Variants in DOCK9 observed in about 807,000 individuals in gnomAD.
DOCK9 encodes dedicator of cytokinesis 9, also known as dedicator of cytokinesis protein 9.
A neutral mutation model predicts 263.3 loss-of-function variants in DOCK9; 89 were observed. The observed-to-expected ratio is 0.34, with a 90% confidence interval of 0.28 to 0.40. The LOEUF (loss-of-function observed/expected upper bound fraction) is 0.40. DOCK9 is among the 10% of genes least tolerant of loss of function. DOCK9 has a pLI of 1.00. For synonymous variants in DOCK9, 976 were observed against 973.1 expected, an observed-to-expected ratio of 1.00 and a Z score of -0.06; for missense variants, 2,140 against 2,603.4, an observed-to-expected ratio of 0.82 and a Z score of 3.87.
chr13:98,938,048 G>C (rs1378986170), intron 2 of DOCK9, among the ~76,000 whole-genome samples: 6 of 152,094 alleles, frequency 3.9e-5, no homozygotes, highest in Admixed American at 3.3e-4. Context: ...ATCACTCACT[G>C]CTCTCTCTGC....
At chr13:98,966,154 G>A (rs950583682) in intron 1 of DOCK9, among the ~76,000 whole-genome samples, 5 of 152,356 alleles carry the variant, frequency 3.3e-5, no homozygotes, top group South Asian at 2.1e-4. Flanking sequence ...AAGACAAGAC[G>A]GGAATTTAGG....
rs1450129368 is a variant in DOCK9, at chr13:98,854,207, G to A, written c.3832-685C>T. On this transcript the variant is annotated intron_variant, in intron 34 of 52. Transcript: ENST00000682017. ...AAACAAGAGGGCAATTTTGCCACTA[G>A]GCAGCAGGTTCTTGTGGAAAAAAAG... Among the ~76,000 whole-genome samples the A allele has an allele frequency of 2.2e-5, 3 of 134,562 alleles. No individual in the cohort carries two copies. The South Asian group carries it at 7.7e-4, about 34-fold the overall frequency. The allele number at this position is 134,562 out of a possible 152,430, so 88.3% of individuals were successfully genotyped here.
intron 5 of DOCK9, 96 bp from the exon 6 acceptor site, chr13:98,922,242 C>G: frequency 1.2e-6 from 1 of 843,964 alleles, no homozygotes; most frequent in South Asian, 1.6e-5. Context: ...CCCTTTGTGC[C>G]AAGTTGTCCA....
chr13:99,051,708 T>A (rs754328043), intron 1 of DOCK9, among the ~76,000 whole-genome samples: 10 of 151,976 alleles, frequency 6.6e-5, no homozygotes, highest in Non-Finnish European at 1.0e-4. Context: ...ACTACACTCA[T>A]CCTTTTCACC....
chr13:98,830,897 T>C (rs1390864578), intron 41 of DOCK9, among the ~76,000 whole-genome samples: 1 of 151,986 alleles, frequency 6.6e-6, no homozygotes, highest in Non-Finnish European at 1.5e-5. Flanking sequence ...AAAAAGAGAG[T>C]TTACAAAAAT....
chr13:98,899,373 T>C (rs886691624), intron 13 of DOCK9, among the ~76,000 whole-genome samples: 1 of 152,208 alleles, frequency 6.6e-6, no homozygotes, highest in African/African-American at 2.4e-5. Context: ...TGAGCTCCAC[T>C]ATCCACACCT....
chr13:98,903,141 A>C, intron 10 of DOCK9, 29 bp from the exon 11 acceptor site: 2 of 1,468,722 alleles, frequency 1.4e-6, no homozygotes, highest in Non-Finnish European at 9.0e-7. Context: ...ACATATAAAT[A>C]AGTTATGCTC....
chr13:98,968,190 C>T (rs78143915), intron 1 of DOCK9, among the ~76,000 whole-genome samples: 37 of 151,930 alleles, frequency 2.4e-4, no homozygotes, highest in African/African-American at 7.5e-4. Context: ...TGACATCTTA[C>T]GAATGAAATA....
Position 99,049,671 on chromosome 13 carries a change from C to T in DOCK9, c.129+36552G>A, listed in dbSNP as rs1479239712. ...CTGGGACCACAGGTGTGCGCCACAG[C>T]GTTCAGCTAATTTTCTACAATTTTT... On this transcript the variant is annotated intron_variant, in intron 1 of 32. Transcript: ENST00000427887. 3.3e-5 allele frequency among the ~76,000 whole-genome samples: 5 copies of T among 152,226 alleles called. No homozygotes were observed. In the South Asian group the frequency reaches 8.3e-4, roughly 25 times the overall value.
intron 39 of DOCK9, among the ~76,000 whole-genome samples, chr13:98,835,929 G>A (rs1176619802): frequency 6.6e-6 from 1 of 151,738 alleles, no homozygotes; most frequent in African/African-American, 2.4e-5. Flanking sequence ...GTAGAGATGG[G>A]GTTTCACCAT....
chr13:99,073,369 T>TCCTCTCTCTCTCTCC (rs2041772412), intron 1 of DOCK9, among the ~76,000 whole-genome samples: 1 of 151,040 alleles, frequency 6.6e-6, no homozygotes, highest in Non-Finnish European at 1.5e-5. Flanking sequence ...TTTCTCTCTC[T>TCCTCTCTCTCTCTCC]CCTCTCTCTC....
At chr13:98,949,924 G>A (rs1403929217) in intron 2 of DOCK9, 1 of 476,440 alleles carries the variant, frequency 2.1e-6, no homozygotes, top group Non-Finnish European at 4.1e-6. Context: ...AACTCCCCCA[G>A]GTGCTCCTCA....
At chr13:98,970,456 C>T (rs2059627055) in intron 1 of DOCK9, among the ~76,000 whole-genome samples, 1 of 152,218 alleles carries the variant, frequency 6.6e-6, no homozygotes, top group East Asian at 1.9e-4. Flanking sequence ...ATATGCAATG[C>T]AGTCCTGGCT....
In DOCK9 at chr13:98,825,914, G is replaced by A. The variant is rs1236735028; in HGVS notation, c.5023+916C>T. 2 of 1,555,674 alleles carry A rather than the reference G, an allele frequency of 1.3e-6. No homozygotes were observed. The highest frequency in any genetic ancestry group is 1.9e-5 in the Admixed American group (1 of 53,956). On this transcript the variant is annotated intron_variant, in intron 44 of 52. Coordinates refer to ENST00000682017, the MANE Select transcript of DOCK9 (RefSeq NM_001366683.2). The surrounding 1 kb of genome is among the most constrained non-coding windows in gnomAD (Gnocchi z 4.1). ...AGGCAGGCGCTATGGCTGTGGGGGA[G>A]AAGGGGCGGCTCCCACTGGACTGCT...
At chr13:98,977,623 G>C (rs945711371) in intron 1 of DOCK9, among the ~76,000 whole-genome samples, 161 bp downstream of exon 1, 1 of 152,154 alleles carries the variant, frequency 6.6e-6, no homozygotes, top group Non-Finnish European at 1.5e-5. Context: ...GAATCAAAGG[G>C]GAATCGAAGT....
chr13:98,832,999 G>A (rs1212165512), intron 39 of DOCK9: 1 of 151,720 alleles, frequency 6.6e-6, no homozygotes, highest in South Asian at 2.1e-4. Context: ...TTTTTTTTAG[G>A]TCCAGTGAAT....
intron 1 of DOCK9, among the ~76,000 whole-genome samples, chr13:99,003,924 G>A (rs906595360): frequency 1.3e-5 from 2 of 152,018 alleles, no homozygotes; most frequent in Non-Finnish European, 2.9e-5. Context: ...GTTCCAACAA[G>A]ACCCACCATG....
At chr13:98,874,111 A>G (rs2094261727) in intron 27 of DOCK9, among the ~76,000 whole-genome samples, 1 of 152,192 alleles carries the variant, frequency 6.6e-6, no homozygotes, top group South Asian at 2.1e-4. Flanking sequence ...AACCATCACC[A>G]CAGTCAAGAA....
chr13:98,864,854 G>A (rs1365906401), intron 30 of DOCK9, among the ~76,000 whole-genome samples: 3 of 151,962 alleles, frequency 2.0e-5, no homozygotes, highest in Non-Finnish European at 4.4e-5. Flanking sequence ...GTGAGTTCTC[G>A]CTTTGAGTTC....
Sources: gnomAD v4.1 joint callset for allele counts (sites outside exome capture counted in the v4.1 genomes callset) on GRCh38, gnomAD v4.1.1 for gene constraint, Gnocchi (gnomAD v3.1) non-coding constraint, MANE v1.5 for transcripts, NCBI Gene and HGNC (gene_info 2026-07-23, HGNC 2026-07-21) for gene names.